The following DDHD1 variants were observed in gnomAD, a reference collection of about 807,000 sequenced individuals.
DDHD1 encodes the protein phospholipase DDHD1.
In DDHD1, 49 loss-of-function variants were observed where a neutral mutation model predicts 96.4. That is an observed-to-expected ratio of 0.51 (90% CI 0.40 to 0.64). The LOEUF is 0.64. Among genes scored for constraint, DDHD1 ranks in the 30% least tolerant of loss-of-function variants. DDHD1 has a pLI of 0.00. For synonymous variants in DDHD1, 442 were observed against 446.5 expected, an observed-to-expected ratio of 0.99 and a Z score of 0.13; for missense variants, 1,106 against 1,161.2, an observed-to-expected ratio of 0.95 and a Z score of 0.69.
intron 1 of DDHD1, among the ~76,000 whole-genome samples, chr14:53,117,877 G>A (rs1309804332): frequency 6.6e-6 from 1 of 152,146 alleles, no homozygotes; most frequent in African/African-American, 2.4e-5. Context: ...CCCCTGTGTT[G>A]CCTGACTGGG....
chr14:53,103,637 A>G (rs1477249107), intron 2 of DDHD1, 46 bp downstream of exon 2: 11 of 1,435,774 alleles, frequency 7.7e-6, no homozygotes, highest in African/African-American at 2.9e-5. Context: ...TTTATCAACA[A>G]CTTACTTGGT....
At chr14:53,057,994 C>T (rs913964959) in intron 9 of DDHD1, among the ~76,000 whole-genome samples, 7 of 152,034 alleles carry the variant, frequency 4.6e-5, no homozygotes, top group Non-Finnish European at 7.4e-5. Context: ...GGATTACAGC[C>T]GTGCCCAGCT....
At chr14:53,126,425 T>C (rs1595228032) in intron 1 of DDHD1, among the ~76,000 whole-genome samples, 1 of 152,182 alleles carries the variant, frequency 6.6e-6, no homozygotes, top group Non-Finnish European at 1.5e-5. Context: ...TGCAGTGCAG[T>C]GGAGCAATCA....
intron 1 of DDHD1, among the ~76,000 whole-genome samples, chr14:53,136,695 G>A (rs1431991836): frequency 1.3e-5 from 2 of 152,166 alleles, no homozygotes; most frequent in East Asian, 3.8e-4. Context: ...CCAAGAGGCA[G>A]TGAGCAATGT....
intron 1 of DDHD1, among the ~76,000 whole-genome samples, chr14:53,142,928 G>T (rs1331228056): frequency 5.3e-5 from 8 of 152,226 alleles, no homozygotes; most frequent in Admixed American, 5.2e-4. Context: ...ACTACAAATT[G>T]AAACAGGAGA....
At chr14:53,128,486 C>A (rs1006624888) in intron 1 of DDHD1, among the ~76,000 whole-genome samples, 2 of 152,124 alleles carry the variant, frequency 1.3e-5, no homozygotes, top group Non-Finnish European at 1.5e-5. Flanking sequence ...GGTGTTAATG[C>A]GATTCACAGG....
intron 3 of DDHD1, 140 bp from the exon 4 acceptor site, chr14:53,092,072 A>C: frequency 1.3e-6 from 1 of 741,396 alleles, no homozygotes; most frequent in Non-Finnish European, 2.1e-6. Flanking sequence ...AAAAACTGTA[A>C]GAAGGTATAT....
At chr14:53,049,829 T>C (rs149751267) in intron 12 of DDHD1, among the ~76,000 whole-genome samples, 88 of 152,316 alleles carry the variant, frequency 5.8e-4, no homozygotes, top group African/African-American at 2.1e-3. Flanking sequence ...ATCAACTCTT[T>C]GCTTACACTG....
chr14:53,075,110 G>C lies in DDHD1; in HGVS notation c.1290-1263C>G, dbSNP rs1330988023. On this transcript the variant is annotated intron_variant, in intron 4 of 12. Transcript: ENST00000673822. ...TAGGGCACTGAATAATTCCATACTG[G>C]CCTCTAGGTGATCAAGTGAAAAGAA... is the stretch of plus-strand genomic sequence containing the variant. 2.6e-5 allele frequency among the ~76,000 whole-genome samples: 4 copies of C among 152,096 alleles called. No homozygotes were observed. In the East Asian group the frequency reaches 7.7e-4, roughly 29 times the overall value.
chr14:53,104,992 T>A (rs1887579997), intron 1 of DDHD1, among the ~76,000 whole-genome samples: 1 of 152,066 alleles, frequency 6.6e-6, no homozygotes, highest in African/African-American at 2.4e-5. Context: ...TAATACTATT[T>A]GTATTACTAA....
intron 6 of DDHD1, among the ~76,000 whole-genome samples, chr14:53,070,592 G>C (rs1213536468): frequency 2.6e-5 from 4 of 152,108 alleles, no homozygotes; most frequent in Admixed American, 2.6e-4. Flanking sequence ...AAATATTGGG[G>C]AGAAATGAGA....
chr14:53,117,254 T>G (rs1457775362), intron 1 of DDHD1, among the ~76,000 whole-genome samples: 1 of 152,164 alleles, frequency 6.6e-6, no homozygotes, highest in East Asian at 1.9e-4. Flanking sequence ...ATTTCTGCAT[T>G]TCCAACTGAG....
At chr14:53,054,722 G>A in intron 10 of DDHD1, 93 bp from the exon 11 acceptor site, 22 of 1,219,602 alleles carry the variant, frequency 1.8e-5, no homozygotes, top group South Asian at 9.6e-5. Flanking sequence ...ACTGGCAGAG[G>A]GACCAAACCC....
rs1270076237 is a variant in DDHD1, at chr14:53,038,222, G to T, written c.*8546C>A. On this transcript the variant is annotated 3_prime_UTR_variant, in exon 13 of 13. Transcript: ENST00000673822. ...AATAAAAGGCATCCAACTGGGAAAAGAAATCAAACTAGCTCTCTTCGCTGA... is the reference window on the plus strand; with the variant it reads ...AATAAAAGGCATCCAACTGGGAAAATAAATCAAACTAGCTCTCTTCGCTGA... 3.9e-5 allele frequency: 6 copies of T among 152,114 alleles called. No homozygotes were observed. Among genetic ancestry groups the T allele is most frequent in the African/African-American group, 1.4e-4 (6 of 41,434 alleles). 9.4% of individuals were successfully genotyped at this position (152,114 alleles called of 1,614,324 possible). A position where few individuals can be genotyped will look rare whatever the true frequency, so the allele number is the denominator to read the frequency against.
rs144187089 is a variant in DDHD1 at position 53,133,513 on chromosome 14, C to T, written c.838+18748G>A. Reference sequence around the variant, plus strand: ...CGTGCTCCTTATCGCCCTCAATCCTCAGGAAAGGTAGAAAGAACTAATGGT... The same window carrying T: ...CGTGCTCCTTATCGCCCTCAATCCTTAGGAAAGGTAGAAAGAACTAATGGT... On this transcript the variant is annotated intron_variant, in intron 1 of 12. Transcript: ENST00000673822. Among the ~76,000 whole-genome samples, 969 of 152,292 alleles carry T rather than the reference C, an allele frequency of 6.4e-3. 15 individuals carry two copies. The highest frequency in any genetic ancestry group is 0.022 in the African/African-American group (915 of 41,554).
chr14:53,084,242 G>A lies in DDHD1; in HGVS notation c.1289+7543C>T, dbSNP rs530091107. Among the ~76,000 whole-genome samples, 210 of 152,256 alleles carry A rather than the reference G, an allele frequency of 1.4e-3. 1 individual carries two copies. Among genetic ancestry groups the A allele is most frequent in the African/African-American group, 4.8e-3 (198 of 41,546 alleles). ...TGTGTGATAATGGCTCCAAAATGAAGGCTATAGAGCAGATAAAACTGGATT... is the reference window on the plus strand; with the variant it reads ...TGTGTGATAATGGCTCCAAAATGAAAGCTATAGAGCAGATAAAACTGGATT... On this transcript the variant is annotated intron_variant, in intron 4 of 12. Coordinates refer to ENST00000673822, the MANE Select transcript of DDHD1 (RefSeq NM_001160148.2).
chr14:53,065,464 T>C (rs1051750553), intron 6 of DDHD1, among the ~76,000 whole-genome samples: 20 of 152,230 alleles, frequency 1.3e-4, no homozygotes, highest in Admixed American at 3.3e-4. Flanking sequence ...TCTGGATTTC[T>C]TGTGTTACTT....
chr14:53,115,335 T>C (rs936216467), intron 1 of DDHD1, among the ~76,000 whole-genome samples: 4 of 152,098 alleles, frequency 2.6e-5, no homozygotes, highest in Admixed American at 2.0e-4. Flanking sequence ...TTCCCCAGCC[T>C]AGCAAGGCAG....
intron 1 of DDHD1, among the ~76,000 whole-genome samples, chr14:53,146,260 T>C (rs1890973332): frequency 6.6e-6 from 1 of 151,856 alleles, no homozygotes; most frequent in Non-Finnish European, 1.5e-5. Flanking sequence ...TCCCAGCACT[T>C]TGGGAGGCCA....
Sources: gnomAD v4.1 joint callset for allele counts (sites outside exome capture counted in the v4.1 genomes callset) on GRCh38, gnomAD v4.1.1 for gene constraint, MANE v1.5 for transcripts, NCBI Gene and HGNC (gene_info 2026-07-23, HGNC 2026-07-21) for gene names.